CFAP263: variants seen among roughly 807,000 people sequenced by gnomAD.
The protein encoded by CFAP263 is cilia- and flagella-associated protein 263.
the CFAP263 span, among the ~76,000 whole-genome samples, chr16:58,272,252 G>A: frequency 1.3e-5 from 2 of 150,210 alleles, no homozygotes; most frequent in African/African-American, 4.9e-5. Context: ...TCCTGACCTC[G>A]TGATCTGCCC....
the CFAP263 span, among the ~76,000 whole-genome samples, chr16:58,253,558 C>G: frequency 6.6e-6 from 1 of 152,102 alleles, no homozygotes; most frequent in Non-Finnish European, 1.5e-5. Context: ...CTGGACCACC[C>G]GCTTCTGACC....
At chr16:58,260,403 T>C in the CFAP263 span, among the ~76,000 whole-genome samples, 3 of 152,288 alleles carry the variant, frequency 2.0e-5, no homozygotes, top group South Asian at 6.2e-4. Context: ...TGTAAGATAA[T>C]AAATTTGCAT....
chr16:58,273,709 G>C, the CFAP263 span, among the ~76,000 whole-genome samples: 1 of 152,136 alleles, frequency 6.6e-6, no homozygotes, highest in African/African-American at 2.4e-5. Flanking sequence ...TCCCTGGGTG[G>C]ATCATGGTTT....
chr16:58,266,545 G>A, the CFAP263 span, among the ~76,000 whole-genome samples: 1 of 151,172 alleles, frequency 6.6e-6, no homozygotes, highest in East Asian at 2.0e-4. Flanking sequence ...TGTCCGGGCT[G>A]TGAGCCAGCC....
the CFAP263 span, among the ~76,000 whole-genome samples, chr16:58,255,136 G>A: frequency 1.3e-5 from 2 of 152,208 alleles, no homozygotes; most frequent in Non-Finnish European, 2.9e-5. Flanking sequence ...TCAAAACCAG[G>A]GAAGCCAATG....
At chr16:58,273,319 T>TGTTGGTACACTTA in the CFAP263 span, among the ~76,000 whole-genome samples, 2 of 152,218 alleles carry the variant, frequency 1.3e-5, no homozygotes, top group Non-Finnish European at 1.5e-5. Context: ...ATTACCTGTA[T>TGTTGGTACACTTA]GTTGGTACAC....
chr16:58,280,866 A>C, the CFAP263 span: 6 of 1,076,566 alleles, frequency 5.6e-6, no homozygotes, highest in South Asian at 1.8e-5. Flanking sequence ...GCTGGTTCTC[A>C]CTGGAAATGG....
the CFAP263 span, among the ~76,000 whole-genome samples, chr16:58,262,097 C>G: frequency 3.9e-5 from 6 of 152,068 alleles, no homozygotes; most frequent in African/African-American, 7.2e-5. Context: ...CCCACTCCCC[C>G]ACATGCCCCC....
chr16:58,280,874 TG>T, the CFAP263 span: 1 of 922,390 alleles, frequency 1.1e-6, no homozygotes, highest in Non-Finnish European at 1.6e-6. Flanking sequence ...TCACTGGAAA[TG>T]GGGCAAATTA....
chr16:58,260,423 G>A, the CFAP263 span, among the ~76,000 whole-genome samples: 3 of 152,184 alleles, frequency 2.0e-5, no homozygotes, highest in Admixed American at 6.5e-5. Context: ...TTAAAACCAC[G>A]AGGTTTGTGG....
At chr16:58,278,713 G>C in the CFAP263 span, 1 of 1,384,584 alleles carries the variant, frequency 7.2e-7, no homozygotes, top group South Asian at 1.2e-5. Context: ...GTTCTTTGGG[G>C]TAAGAATACA....
At chr16:58,268,531 C>T in the CFAP263 span, among the ~76,000 whole-genome samples, 5 of 152,142 alleles carry the variant, frequency 3.3e-5, no homozygotes, top group Non-Finnish European at 5.9e-5. Context: ...AACTCTAAAA[C>T]TGTTTGTATG....
At chr16:58,261,661 T>C in the CFAP263 span, among the ~76,000 whole-genome samples, 1 of 152,060 alleles carries the variant, frequency 6.6e-6, no homozygotes, top group South Asian at 2.1e-4. Context: ...GGAGGAATGG[T>C]TGTACTGGGG....
At chr16:58,257,261 C>T in the CFAP263 span, among the ~76,000 whole-genome samples, 3 of 148,252 alleles carry the variant, frequency 2.0e-5, no homozygotes, top group African/African-American at 7.4e-5. Flanking sequence ...TCGTGATCCG[C>T]CCGCCTCGGC....
At chr16:58,252,551 G>A in the CFAP263 span, among the ~76,000 whole-genome samples, 1 of 152,070 alleles carries the variant, frequency 6.6e-6, no homozygotes, top group Admixed American at 6.6e-5. Context: ...CAGAGGCTTT[G>A]TCTTCCTTAT....
At chr16:58,264,853 T>G in the CFAP263 span, among the ~76,000 whole-genome samples, 1 of 152,208 alleles carries the variant, frequency 6.6e-6, no homozygotes, top group Admixed American at 6.5e-5. Context: ...GTTAAAGACA[T>G]GCAGAATAAT....
At chr16:58,273,262 TA>T in the CFAP263 span, among the ~76,000 whole-genome samples, 6 of 152,228 alleles carry the variant, frequency 3.9e-5, no homozygotes, top group Non-Finnish European at 7.3e-5. Context: ...TATATCTGAA[TA>T]ATTTTTTCTA....
the CFAP263 span, among the ~76,000 whole-genome samples, chr16:58,260,174 C>T: frequency 6.6e-6 from 1 of 152,120 alleles, no homozygotes; most frequent in Non-Finnish European, 1.5e-5. Context: ...CAGTGGGAAG[C>T]AGGAGGGTGG....
the CFAP263 span, chr16:58,252,997 C>T: frequency 5.1e-6 from 4 of 779,978 alleles, no homozygotes; most frequent in Non-Finnish European, 8.3e-6. Flanking sequence ...TTTCTTTGCC[C>T]TCTAGGGTTT....
Sources: allele counts gnomAD v4.1 joint callset (sites outside exome capture counted in the v4.1 genomes callset), GRCh38; gene constraint gnomAD v4.1.1; transcripts MANE v1.5; gene names NCBI Gene and HGNC (gene_info 2026-07-23, HGNC 2026-07-21).